The following ZNRF3 variants were observed in gnomAD, a reference collection of about 807,000 sequenced individuals.
ZNRF3 encodes the protein E3 ubiquitin-protein ligase ZNRF3.
In ZNRF3, 23 loss-of-function variants were observed where a neutral mutation model predicts 72.5. The ratio of observed to expected loss-of-function variants is 0.32; its 90% CI spans 0.23 to 0.45. The LOEUF is 0.45. ZNRF3 is among the 20% of genes least tolerant of loss of function. The probability of loss-of-function intolerance (pLI) is 1.00; values close to 1 mark genes in which losing one functional copy is unlikely to be tolerated. For missense variants in ZNRF3, 1,169 were observed against 1,272.1 expected, an observed-to-expected ratio of 0.92 and a Z score of 1.23; for synonymous variants, 610 against 545.3, an observed-to-expected ratio of 1.12 and a Z score of -1.65.
chr22:28,972,376 T>C (rs529888860), intron 1 of ZNRF3, among the ~76,000 whole-genome samples: 2 of 152,366 alleles, frequency 1.3e-5, no homozygotes, highest in South Asian at 4.1e-4. Flanking sequence ...ATGTGGACTT[T>C]TGTGACTAGC....
At chr22:28,951,279 C>A (rs1319511172) in intron 1 of ZNRF3, among the ~76,000 whole-genome samples, 1 of 152,158 alleles carries the variant, frequency 6.6e-6, no homozygotes, top group Non-Finnish European at 1.5e-5. Context: ...CCTCAGAATG[C>A]GACCTTTTTT....
Position 29,049,759 on chromosome 22 carries a change from G to C in ZNRF3, c.1578G>C (p.Thr526=). 6.3e-7 allele frequency: 1 copy of C among 1,595,374 alleles called. No individual in the cohort carries two copies. Among genetic ancestry groups the C allele is most frequent in the Non-Finnish European group, 8.6e-7 (1 of 1,168,996 alleles). The change falls in exon 8 of 9, where the codon ACG becomes ACC. Residue 526 remains threonine, a synonymous_variant. Transcript: ENST00000544604. This position sits in a 1 kb window ranked among gnomAD's most constrained non-coding sequence, Gnocchi z 5.2. ...CCTCCCACCTGGAGAGCGGCAGCAC[G>C]TCCAGCTTCAGCTGCTATCACGGCC... is the stretch of plus-strand genomic sequence containing the variant. ...APPSHLESGS[T]SSFSCYHGHR...
intron 1 of ZNRF3, among the ~76,000 whole-genome samples, chr22:28,951,314 A>G (rs2035157052): frequency 1.3e-5 from 2 of 152,134 alleles, no homozygotes; most frequent in African/African-American, 4.8e-5. Context: ...TACGGAGGTA[A>G]TCAAGTTCAA....
chr22:29,049,052 A>C lies in ZNRF3; in HGVS notation c.1016-145A>C. The C allele has an allele frequency of 1.1e-6, 1 of 920,366 alleles. No homozygotes were observed. Among genetic ancestry groups the C allele is most frequent in the Non-Finnish European group, 1.6e-6 (1 of 609,274 alleles). 57.0% of individuals were successfully genotyped at this position (920,366 alleles called of 1,614,324 possible). A position where few individuals can be genotyped will look rare whatever the true frequency, so the allele number is the denominator to read the frequency against. On this transcript the variant is annotated intron_variant, in intron 7 of 8. Transcript: ENST00000544604. This position sits in a 1 kb window ranked among gnomAD's most constrained non-coding sequence, Gnocchi z 5.2. ...AGGTCAGCCTCTGCCGCTGCAGCTCAGTTTGGGGGCAGGGTTGTGAGAATG... is the reference window on the plus strand; with the variant it reads ...AGGTCAGCCTCTGCCGCTGCAGCTCCGTTTGGGGGCAGGGTTGTGAGAATG...
At chr22:29,016,274 G>A (rs907499591) in intron 2 of ZNRF3, among the ~76,000 whole-genome samples, 3 of 152,182 alleles carry the variant, frequency 2.0e-5, no homozygotes, top group African/African-American at 7.2e-5. Context: ...AGTGGTATGT[G>A]ACTGCCTTGA....
chr22:29,002,473 C>G (rs1254361856), intron 2 of ZNRF3, among the ~76,000 whole-genome samples: 1 of 152,208 alleles, frequency 6.6e-6, no homozygotes, highest in Non-Finnish European at 1.5e-5. Context: ...AGGCAAGTAA[C>G]AGCTGTCAGT....
chr22:29,049,626 A>T lies in ZNRF3; in HGVS notation c.1445A>T (p.Gln482Leu). The change falls in exon 8 of 9, where the codon CAG (glutamine) becomes CTG (leucine). Residue 482 changes from glutamine to leucine, a missense_variant. Physicochemically the swap from Gln to Leu is moderately radical, Grantham distance 113 (BLOSUM62 -2). This residue lies in a region of ZNRF3 where 783 missense variants were observed against 731.4 expected (regional missense o/e 1.07). Coordinates refer to ENST00000544604, the MANE Select transcript of ZNRF3 (RefSeq NM_001206998.2). This position sits in a 1 kb window ranked among gnomAD's most constrained non-coding sequence, Gnocchi z 5.2. ...TTCCAGGGCCTCAGCTACCCGGAGCAGGAGGGGCAGTCCCCACCTAGCCTC... is the reference window on the plus strand; with the variant it reads ...TTCCAGGGCCTCAGCTACCCGGAGCTGGAGGGGCAGTCCCCACCTAGCCTC... ...YYFQGLSYPE[Q>L]EGQSPPSLAP... 1 of 1,610,922 alleles carries T rather than the reference A, an allele frequency of 6.2e-7. No homozygotes were observed. Among genetic ancestry groups the T allele is most frequent in the South Asian group, 1.1e-5 (1 of 90,970 alleles).
chr22:28,971,999 C>T (rs956120294), intron 1 of ZNRF3, among the ~76,000 whole-genome samples: 3 of 152,152 alleles, frequency 2.0e-5, no homozygotes, highest in Non-Finnish European at 2.9e-5. Context: ...TGAGCCACTG[C>T]GCCCAGCCTG....
intron 1 of ZNRF3, among the ~76,000 whole-genome samples, chr22:28,917,774 C>T (rs2123765670): frequency 6.6e-6 from 1 of 152,336 alleles, no homozygotes; most frequent in South Asian, 2.1e-4. Context: ...TCAGAGTACA[C>T]AGTGAGGGGA....
At chr22:28,918,706 T>G (rs1036917607) in intron 1 of ZNRF3, among the ~76,000 whole-genome samples, 3 of 152,124 alleles carry the variant, frequency 2.0e-5, no homozygotes, top group African/African-American at 7.2e-5. Flanking sequence ...GTCAGGGTGG[T>G]ATCCTGGGGT....
chr22:29,003,832 A>G (rs1389865335), intron 2 of ZNRF3, among the ~76,000 whole-genome samples: 1 of 151,944 alleles, frequency 6.6e-6, no homozygotes, highest in Non-Finnish European at 1.5e-5. Context: ...CCCTGTCTCA[A>G]AAAAAAAGAA....
At chr22:28,947,894 G>T (rs1004906187) in intron 1 of ZNRF3, among the ~76,000 whole-genome samples, 45 of 152,300 alleles carry the variant, frequency 3.0e-4, no homozygotes, top group African/African-American at 1.0e-3. Flanking sequence ...CACCAGGTTG[G>T]AGTGCAGTGG....
intron 1 of ZNRF3, among the ~76,000 whole-genome samples, chr22:28,908,530 C>T (rs2034255270): frequency 6.6e-6 from 1 of 152,114 alleles, no homozygotes; most frequent in South Asian, 2.1e-4. Context: ...GGGGCCTGTA[C>T]GTGGTGATGT....
intron 1 of ZNRF3, among the ~76,000 whole-genome samples, chr22:28,903,487 T>C (rs2034147814): frequency 6.6e-6 from 1 of 152,146 alleles, no homozygotes; most frequent in Non-Finnish European, 1.5e-5. Flanking sequence ...CCAAAGCAAA[T>C]ACTTTATTAA....
intron 1 of ZNRF3, among the ~76,000 whole-genome samples, chr22:28,963,160 C>T (rs1364762304): frequency 7.2e-5 from 11 of 152,166 alleles, no homozygotes; most frequent in Non-Finnish European, 1.6e-4. Flanking sequence ...GGAGCTAACC[C>T]CATTTAAGGT....
intron 1 of ZNRF3, among the ~76,000 whole-genome samples, chr22:28,939,532 C>G (rs1472174445): frequency 5.3e-5 from 8 of 151,704 alleles, no homozygotes; most frequent in Non-Finnish European, 1.0e-4. Flanking sequence ...TCTTTTATCT[C>G]TAAGACCAAA....
intron 1 of ZNRF3, among the ~76,000 whole-genome samples, chr22:28,907,339 G>A (rs951625110): frequency 5.9e-5 from 9 of 152,150 alleles, no homozygotes; most frequent in Admixed American, 4.6e-4. Flanking sequence ...AAATGGCACA[G>A]CCACACTGCA....
At chr22:28,974,953 A>G (rs2035643262) in intron 1 of ZNRF3, among the ~76,000 whole-genome samples, 1 of 152,204 alleles carries the variant, frequency 6.6e-6, no homozygotes, top group Non-Finnish European at 1.5e-5. Context: ...AATTTTTCTG[A>G]AAATTCTGTA....
intron 2 of ZNRF3, among the ~76,000 whole-genome samples, chr22:29,032,435 C>G (rs2036780492): frequency 6.6e-6 from 1 of 152,118 alleles, no homozygotes; most frequent in South Asian, 2.1e-4. Flanking sequence ...TGCCTGGGGT[C>G]AAGGTTGGCC....
Sources: allele counts gnomAD v4.1 joint callset (sites outside exome capture counted in the v4.1 genomes callset), GRCh38; gene constraint gnomAD v4.1.1; regional missense constraint gnomAD v4.1.1; non-coding constraint Gnocchi (gnomAD v3.1); transcripts MANE v1.5; gene names NCBI Gene and HGNC (gene_info 2026-07-23, HGNC 2026-07-21).